DGKI: variants seen among roughly 807,000 people sequenced by gnomAD.
DGKI encodes the protein diacylglycerol kinase iota, also known as DAG kinase iota.
A neutral mutation model predicts 147.5 loss-of-function variants in DGKI; 55 were observed. That is an observed-to-expected ratio of 0.37 (90% CI 0.30 to 0.47). The LOEUF (loss-of-function observed/expected upper bound fraction) is 0.47. DGKI is among the 20% of genes least tolerant of loss of function. The pLI is 1.00. For missense variants in DGKI, 1,007 were observed against 1,323.8 expected (o/e 0.76, Z 3.71); for synonymous variants, 469 against 477.1 (o/e 0.98, Z 0.22).
Position 137,822,662 on chromosome 7 carries a change from A to G in DGKI, c.401+23800T>C, listed in dbSNP as rs78874453. Among the ~76,000 whole-genome samples, 1,148 of 152,244 alleles carry G rather than the reference A, an allele frequency of 7.5e-3. 6 individuals are homozygous for G. The highest frequency in any genetic ancestry group is 0.011 in the Admixed American group (165 of 15,298). ...CAGACATTTGAACAGCCTCCAATGTAAAGAGAAGCTATCAGCATGAAGAGA... is the reference window on the plus strand; with the variant it reads ...CAGACATTTGAACAGCCTCCAATGTGAAGAGAAGCTATCAGCATGAAGAGA... On this transcript the variant is annotated intron_variant, in intron 1 of 32. Transcript: ENST00000614521.
At chr7:137,477,010 G>C (rs1011117786) in intron 23 of DGKI, among the ~76,000 whole-genome samples, 2 of 152,190 alleles carry the variant, frequency 1.3e-5, no homozygotes, top group African/African-American at 4.8e-5. Flanking sequence ...AGCAAACCTA[G>C]AATGATCTAA....
chr7:137,548,066 T>C (rs1220819137), intron 20 of DGKI, among the ~76,000 whole-genome samples: 2 of 152,142 alleles, frequency 1.3e-5, no homozygotes, highest in Non-Finnish European at 2.9e-5. Flanking sequence ...GAACACAGGC[T>C]TGGGATTCTT....
chr7:137,753,039 T>C (rs1157610512), intron 1 of DGKI, among the ~76,000 whole-genome samples: 1 of 118,474 alleles, frequency 8.4e-6, no homozygotes, highest in East Asian at 2.4e-4. Context: ...TACATACGAA[T>C]GTACATACAC....
At chr7:137,430,439 GAT>G (rs1206293716) in intron 28 of DGKI, among the ~76,000 whole-genome samples, 1 of 151,138 alleles carries the variant, frequency 6.6e-6, no homozygotes, top group East Asian at 2.0e-4. Flanking sequence ...GGCATTAGGA[GAT>G]ATACCTAATG....
intron 3 of DGKI, among the ~76,000 whole-genome samples, chr7:137,657,415 A>C (rs1215947149): frequency 1.3e-5 from 2 of 152,242 alleles, no homozygotes; most frequent in African/African-American, 4.8e-5. Flanking sequence ...TAATGAAATA[A>C]AACTTTTTAA....
chr7:137,490,239 C>A (rs749436867), intron 21 of DGKI, among the ~76,000 whole-genome samples: 1 of 152,142 alleles, frequency 6.6e-6, no homozygotes, highest in Non-Finnish European at 1.5e-5. Flanking sequence ...GTTTAAATCC[C>A]AGTATTGCTT....
intron 1 of DGKI, among the ~76,000 whole-genome samples, chr7:137,693,615 T>A (rs1823684006): frequency 6.6e-6 from 1 of 152,218 alleles, no homozygotes; most frequent in African/African-American, 2.4e-5. Flanking sequence ...GCTCAATCCA[T>A]CTACTAATCT....
At chr7:137,611,795 T>C (rs1820373086) in intron 8 of DGKI, among the ~76,000 whole-genome samples, 2 of 152,198 alleles carry the variant, frequency 1.3e-5, no homozygotes, top group Admixed American at 6.5e-5. Flanking sequence ...GCACATAGTG[T>C]ACACTCGAAT....
At chr7:137,569,804 T>C (rs1305039828) in intron 19 of DGKI, among the ~76,000 whole-genome samples, 2 of 140,778 alleles carry the variant, frequency 1.4e-5, no homozygotes, top group South Asian at 4.7e-4. Context: ...CTTCCTAAAC[T>C]TAATCCTATT....
rs574166300 is a variant in DGKI at position 137,387,536 on chromosome 7, G to A, written c.*3684C>T. ...ATACATGAATATAGTATACATACTT[G>A]CATGTGTATATAAATAAATGTCTAT... On this transcript the variant is annotated 3_prime_UTR_variant, in exon 33 of 33. Transcript: ENST00000614521. The A allele has an allele frequency of 5.3e-5, 8 of 152,222 alleles. No homozygotes were observed. Among genetic ancestry groups the A allele is most frequent in the Non-Finnish European group, 1.0e-4 (7 of 68,008 alleles). 9.4% of individuals were successfully genotyped at this position (152,222 alleles called of 1,614,324 possible).
intron 11 of DGKI, among the ~76,000 whole-genome samples, chr7:137,598,527 TTTTA>T (rs1280938051): frequency 2.6e-5 from 4 of 152,182 alleles, no homozygotes; most frequent in Non-Finnish European, 5.9e-5. Flanking sequence ...ATTGACTGAT[TTTTA>T]TTTATTTCAA....
At chr7:137,765,863 T>C (rs1796001348) in intron 1 of DGKI, among the ~76,000 whole-genome samples, 1 of 152,202 alleles carries the variant, frequency 6.6e-6, no homozygotes. Context: ...ACACACTCTA[T>C]TGTCAATTTC....
chr7:137,719,047 A>G lies in DGKI; in HGVS notation c.402-29045T>C, dbSNP rs535964522. 4.6e-5 allele frequency among the ~76,000 whole-genome samples: 7 copies of G among 152,312 alleles called. No homozygotes were observed. In the South Asian group the frequency reaches 1.5e-3, roughly 32 times the overall value. On this transcript the variant is annotated intron_variant, in intron 1 of 32. Transcript: ENST00000614521. ...AGAACTAGATTTTCTGTATCCACTG[A>G]TTATCTCATACCCACCTTTAATAGA... is the stretch of plus-strand genomic sequence containing the variant.
intron 1 of DGKI, among the ~76,000 whole-genome samples, chr7:137,718,400 T>C (rs147354433): frequency 1.3e-5 from 2 of 152,090 alleles, no homozygotes; most frequent in East Asian, 3.9e-4. Context: ...CTGCCAGGGG[T>C]GTAATGGGCA....
chr7:137,775,026 C>T (rs1796323443), intron 1 of DGKI: 2 of 151,884 alleles, frequency 1.3e-5, no homozygotes, highest in South Asian at 2.1e-4. Context: ...TCTCCTCACA[C>T]GGTTTTTTTT....
At chr7:137,396,694 C>T (rs1811567300) in intron 31 of DGKI, among the ~76,000 whole-genome samples, 1 of 152,232 alleles carries the variant, frequency 6.6e-6, no homozygotes, top group Admixed American at 6.5e-5. Flanking sequence ...CATTCCTCTC[C>T]ACACCAACTC....
intron 1 of DGKI, among the ~76,000 whole-genome samples, chr7:137,771,032 TC>T: frequency 6.6e-6 from 1 of 152,180 alleles, no homozygotes; most frequent in Non-Finnish European, 1.5e-5. Flanking sequence ...TAATTCTGCT[TC>T]TTATTCCCAA....
At chr7:137,761,823 T>C (rs1795864876) in intron 1 of DGKI, among the ~76,000 whole-genome samples, 1 of 152,174 alleles carries the variant, frequency 6.6e-6, no homozygotes, top group Non-Finnish European at 1.5e-5. Context: ...CCCATACATC[T>C]GCCTACTGTA....
intron 5 of DGKI, among the ~76,000 whole-genome samples, chr7:137,646,568 C>T (rs1821834576): frequency 6.6e-6 from 1 of 152,164 alleles, no homozygotes; most frequent in African/African-American, 2.4e-5. Flanking sequence ...GGAATGCAGG[C>T]AAGCCCTAAT....
Sources: allele counts gnomAD v4.1 joint callset (sites outside exome capture counted in the v4.1 genomes callset), GRCh38; gene constraint gnomAD v4.1.1; transcripts MANE v1.5; gene names NCBI Gene and HGNC (gene_info 2026-07-23, HGNC 2026-07-21).